Variants in SORCS2 observed in about 807,000 individuals in gnomAD.
SORCS2 encodes sortilin related VPS10 domain containing receptor 2.
A neutral mutation model predicts 141.6 loss-of-function variants in SORCS2; 100 were observed. That is an observed-to-expected ratio of 0.71 (90% confidence interval 0.60 to 0.83). The LOEUF (loss-of-function observed/expected upper bound fraction) is 0.83. Among genes scored for constraint, SORCS2 ranks in the 40% least tolerant of loss-of-function variants. The probability of loss-of-function intolerance (pLI) is 0.00; values close to 1 mark genes in which losing one functional copy is unlikely to be tolerated. For synonymous variants in SORCS2, 789 were observed against 676.9 expected, an observed-to-expected ratio of 1.17 and a Z score of -2.57; for missense variants, 1,646 against 1,560.2, an observed-to-expected ratio of 1.05 and a Z score of -0.93.
In SORCS2 at chr4:7,237,194, A is replaced by G. The variant is rs1456307399; in HGVS notation, c.480+44068A>G. ...ATGGGCAATTTTCATCTTCTTCTTT[A>G]GTAAATCCAACTTTAACAAAATTGA... is the stretch of plus-strand genomic sequence containing the variant. On this transcript the variant is annotated intron_variant, in intron 1 of 26. Coordinates refer to ENST00000507866, the MANE Select transcript of SORCS2 (RefSeq NM_020777.3). 5.3e-5 allele frequency among the ~76,000 whole-genome samples: 8 copies of G among 152,270 alleles called. No individual in the cohort carries two copies. In the East Asian group the frequency reaches 1.3e-3, roughly 26 times the overall value.
intron 17 of SORCS2, among the ~76,000 whole-genome samples, chr4:7,717,130 G>T (rs546763187): frequency 5.3e-5 from 8 of 152,290 alleles, no homozygotes; most frequent in African/African-American, 1.4e-4. Flanking sequence ...CCCTTTTAGG[G>T]ATCTCCTAAA....
At chr4:7,220,293 C>T (rs999383148) in intron 1 of SORCS2, among the ~76,000 whole-genome samples, 1 of 152,124 alleles carries the variant, frequency 6.6e-6, no homozygotes, top group Non-Finnish European at 1.5e-5. Flanking sequence ...CGGCCACCCT[C>T]TCTCTAGTGT....
chr4:7,257,838 T>A (rs142161028), intron 1 of SORCS2, among the ~76,000 whole-genome samples: 1 of 152,108 alleles, frequency 6.6e-6, no homozygotes, highest in Non-Finnish European at 1.5e-5. Flanking sequence ...TGGCCTCCCA[T>A]TGGGTTCAGT....
At chr4:7,607,376 G>A (rs955353578) in intron 3 of SORCS2, among the ~76,000 whole-genome samples, 1 of 152,104 alleles carries the variant, frequency 6.6e-6, no homozygotes, top group Non-Finnish European at 1.5e-5. Flanking sequence ...GGGTGCGTCG[G>A]GGAATTTTTG....
At chr4:7,386,015 G>A (rs554392268) in intron 1 of SORCS2, among the ~76,000 whole-genome samples, 2 of 152,310 alleles carry the variant, frequency 1.3e-5, no homozygotes, top group African/African-American at 4.8e-5. Flanking sequence ...CCAGACTGGG[G>A]TACATCCACT....
chr4:7,219,245 AG>A (rs1344147842), intron 1 of SORCS2, among the ~76,000 whole-genome samples: 3 of 152,102 alleles, frequency 2.0e-5, no homozygotes. Context: ...GTCAGACTTC[AG>A]GGCCATGTTG....
chr4:7,636,834 A>C (rs7680312), intron 3 of SORCS2, among the ~76,000 whole-genome samples: 53,809 of 151,820 alleles, frequency 0.35, 10,151 homozygotes, highest in East Asian at 0.72. Flanking sequence ...GGGGAGCTGA[A>C]AACAGCAGCA....
At chr4:7,278,589 C>G (rs1041067790) in intron 1 of SORCS2, among the ~76,000 whole-genome samples, 3 of 152,210 alleles carry the variant, frequency 2.0e-5, no homozygotes, top group Admixed American at 6.5e-5. Context: ...CAGTGTACAT[C>G]TGTTTCATAG....
At chr4:7,731,908 A>G (rs1212948931) in intron 23 of SORCS2, among the ~76,000 whole-genome samples, 1 of 152,234 alleles carries the variant, frequency 6.6e-6, no homozygotes, top group Non-Finnish European at 1.5e-5. Context: ...TGTTTTGCAG[A>G]TGATCCCAAA....
At chr4:7,562,412 TG>T (rs1379944987) in intron 3 of SORCS2, among the ~76,000 whole-genome samples, 1 of 151,992 alleles carries the variant, frequency 6.6e-6, no homozygotes, top group Non-Finnish European at 1.5e-5. Context: ...GGGATGAGGC[TG>T]GGGAGACAGT....
At chr4:7,344,177 G>C (rs552922623) in intron 1 of SORCS2, among the ~76,000 whole-genome samples, 11 of 152,344 alleles carry the variant, frequency 7.2e-5, no homozygotes, top group African/African-American at 2.6e-4. Flanking sequence ...CTAACTATCA[G>C]GCAGTGCCAT....
At chr4:7,365,584 CAG>C (rs140834757) in intron 1 of SORCS2, among the ~76,000 whole-genome samples, 1,583 of 152,264 alleles carry the variant, frequency 0.01, 23 homozygotes, top group Middle Eastern at 0.031. Flanking sequence ...ATGTGTAAAA[CAG>C]AGACACGTGG....
intron 3 of SORCS2, among the ~76,000 whole-genome samples, chr4:7,540,394 C>T (rs1712532269): frequency 1.3e-5 from 2 of 152,092 alleles, no homozygotes; most frequent in Non-Finnish European, 1.5e-5. Flanking sequence ...GCTAGGAAAC[C>T]CTGTGAGTCA....
intron 2 of SORCS2, among the ~76,000 whole-genome samples, chr4:7,510,584 A>C (rs77663657): frequency 1.2e-5 from 1 of 84,338 alleles, no homozygotes; most frequent in East Asian, 5.1e-4. Context: ...CCCCGGGGCC[A>C]GCGGCTTGTT....
intron 3 of SORCS2, among the ~76,000 whole-genome samples, chr4:7,620,715 G>C (rs1038286863): frequency 2.0e-5 from 3 of 152,236 alleles, no homozygotes; most frequent in African/African-American, 7.2e-5. Context: ...GGCCTGGAAG[G>C]CTGTGGGGCA....
chr4:7,583,202 C>T (rs1295313364), intron 3 of SORCS2, among the ~76,000 whole-genome samples: 1 of 152,160 alleles, frequency 6.6e-6, no homozygotes, highest in Admixed American at 6.5e-5. Context: ...CAGGTGCCTT[C>T]TAGTGCCTGA....
At chr4:7,527,975 G>A (rs1271009639) in intron 2 of SORCS2, among the ~76,000 whole-genome samples, 1 of 152,090 alleles carries the variant, frequency 6.6e-6, no homozygotes, top group Non-Finnish European at 1.5e-5. Context: ...GGACGTGCCT[G>A]TTGGCATCGC....
At chr4:7,695,308 ATGGGTGGGTGGG>A in intron 11 of SORCS2, among the ~76,000 whole-genome samples, 1 of 11,232 alleles carries the variant, frequency 8.9e-5, no homozygotes, top group East Asian at 6.7e-3. Context: ...GGGTGAGTGA[ATGGGTGGGTGGG>A]TGGATGGATG....
chr4:7,496,035 G>C (rs1307260758), intron 2 of SORCS2, among the ~76,000 whole-genome samples: 1 of 152,242 alleles, frequency 6.6e-6, no homozygotes, highest in East Asian at 1.9e-4. Flanking sequence ...GACTTGGAAG[G>C]CCAGGCTAGC....
Sources: allele counts gnomAD v4.1 joint callset (sites outside exome capture counted in the v4.1 genomes callset), GRCh38; gene constraint gnomAD v4.1.1; transcripts MANE v1.5; gene names NCBI Gene and HGNC (gene_info 2026-07-23, HGNC 2026-07-21).